The following HSD17B13 variants were observed in gnomAD, a reference collection of about 807,000 sequenced individuals.
HSD17B13 encodes the protein hydroxysteroid 17-beta dehydrogenase 13.
Under a neutral mutation model 31.1 loss-of-function variants are expected in HSD17B13, and 26 were observed. The ratio of observed to expected loss-of-function variants is 0.84; its 90% CI spans 0.61 to 1.16. The LOEUF (loss-of-function observed/expected upper bound fraction) is 1.16, where lower values mean the gene tolerates loss of function less well. Among genes scored for constraint, HSD17B13 ranks in the 50% most tolerant of loss-of-function variants. The pLI is 0.00. For synonymous variants in HSD17B13, 141 were observed against 133.7 expected, an observed-to-expected ratio of 1.05 and a Z score of -0.38; for missense variants, 374 against 366.5, an observed-to-expected ratio of 1.02 and a Z score of -0.17.
rs1734356361 is a variant in HSD17B13 at position 87,305,027 on chromosome 4, A to G, written c.*191T>C. 2.4e-6 allele frequency: 1 copy of G among 409,756 alleles called. No individual in the cohort carries two copies. Among genetic ancestry groups the G allele is most frequent in the South Asian group, 9.3e-5 (1 of 10,744 alleles). 25.4% of individuals were successfully genotyped at this position (409,756 alleles called of 1,614,324 possible). On this transcript the variant is annotated 3_prime_UTR_variant, in exon 7 of 7. Transcript: ENST00000328546. The stretch of plus-strand genomic sequence containing the variant: ...GCATGAAAGGAAAAACAGACCTATG[A>G]AAAACTACGTAAATATTCTTGAGAA...
intron 4 of HSD17B13, among the ~76,000 whole-genome samples, chr4:87,314,760 G>A (rs1175642109): frequency 2.0e-5 from 3 of 152,110 alleles, no homozygotes; most frequent in South Asian, 2.1e-4. Flanking sequence ...ACATAGACAT[G>A]TGTTCATTTT....
intron 1 of HSD17B13, among the ~76,000 whole-genome samples, chr4:87,319,364 C>T (rs777231045): frequency 1.3e-5 from 2 of 152,186 alleles, no homozygotes; most frequent in Non-Finnish European, 2.9e-5. Context: ...GGAGGCTGTA[C>T]AGTAGGCAGT....
Position 87,315,587 on chromosome 4 carries a change from G to A in HSD17B13, c.463C>T (p.Leu155Phe), listed in dbSNP as rs957820422. ...ILGHFWITKA[L>F]LPSMMERNHG... ...TTTCTCTCCATCATCGATGGAAGAA[G>A]TGCTTTTGTGATCTTAAGGATCATT... Residue 155 changes from leucine (L) to phenylalanine (F), a missense_variant, in exon 4 of 7, where the codon CTT (leucine) becomes TTT (phenylalanine). By Grantham distance (22) the Leu-to-Phe change is conservative (BLOSUM62 0). Coordinates refer to ENST00000328546, the MANE Select transcript of HSD17B13 (RefSeq NM_178135.5). 8 of 1,601,074 alleles carry A rather than the reference G, an allele frequency of 5.0e-6. No individual in the cohort carries two copies. Among genetic ancestry groups the A allele is most frequent in the Non-Finnish European group, 6.8e-6 (8 of 1,169,458 alleles).
At chr4:87,305,863 C>G (rs1192786587) in intron 6 of HSD17B13, among the ~76,000 whole-genome samples, 2 of 152,122 alleles carry the variant, frequency 1.3e-5, no homozygotes, top group African/African-American at 2.4e-5. Flanking sequence ...AAAGTGTGTT[C>G]TGATTACAGC....
At chr4:87,314,313 G>C (rs1287288774) in intron 4 of HSD17B13, among the ~76,000 whole-genome samples, 1 of 151,632 alleles carries the variant, frequency 6.6e-6, no homozygotes, top group African/African-American at 2.4e-5. Flanking sequence ...ATATGAATCA[G>C]GAAAAATACA....
chr4:87,316,841 C>A (rs900279282), intron 3 of HSD17B13, among the ~76,000 whole-genome samples: 2 of 152,148 alleles, frequency 1.3e-5, no homozygotes, highest in Non-Finnish European at 2.9e-5. Flanking sequence ...CTGGTACATG[C>A]CAAGCTTTGT....
intron 6 of HSD17B13, among the ~76,000 whole-genome samples, chr4:87,308,178 T>C (rs1734434676): frequency 1.3e-5 from 2 of 152,194 alleles, no homozygotes; most frequent in South Asian, 4.1e-4. Context: ...TTGTATTACA[T>C]TATTTTATTC....
intron 1 of HSD17B13, among the ~76,000 whole-genome samples, chr4:87,320,575 G>A (rs1349172494): frequency 2.6e-5 from 4 of 151,918 alleles, no homozygotes; most frequent in African/African-American, 9.7e-5. Flanking sequence ...TTTTAGTAGA[G>A]ACGGGGTTTC....
At position 87,310,185 on chromosome 4, in the gene HSD17B13, AGC is replaced by A. The variant is rs1491437922; in HGVS notation, c.812+56_812+57del. ...TGAGACTCTGTCTAAAAAAAAAAAA[AGC>A]AAAAAAAAAAGCTCTATTGGTGTTT... On this transcript the variant is annotated intron_variant, in intron 6 of 6. Transcript: ENST00000328546. 11,153 of 1,305,776 alleles carry A rather than the reference AGC, an allele frequency of 8.5e-3. 16 individuals are homozygous for A. Among genetic ancestry groups the A allele is most frequent in the Admixed American group, 9.6e-3 (276 of 28,798 alleles). 80.9% of individuals were successfully genotyped at this position (1,305,776 alleles called of 1,614,324 possible). A position where few individuals can be genotyped will look rare whatever the true frequency, so the allele number is the denominator to read the frequency against.
rs1038302363 is a variant in HSD17B13, at chr4:87,306,831, C to T, written c.813-1523G>A. ...CTGAGGCAGGAGAATTGCTTGAACT[C>T]AGGAGGTGGAGGTTACAGTGAGCTG... is the stretch of plus-strand genomic sequence containing the variant. On this transcript the variant is annotated intron_variant, in intron 6 of 6. Transcript: ENST00000328546. Among the ~76,000 whole-genome samples, 4 of 139,926 alleles carry T rather than the reference C, an allele frequency of 2.9e-5. No homozygotes were observed. In the Admixed American group the frequency reaches 3.1e-4, roughly 11 times the overall value. The allele number at this position is 139,926 out of a possible 152,430, so 91.8% of individuals were successfully genotyped here.
intron 5 of HSD17B13, among the ~76,000 whole-genome samples, 165 bp from the exon 6 acceptor site, chr4:87,310,524 T>A (rs996438150): frequency 3.3e-5 from 5 of 152,196 alleles, no homozygotes; most frequent in African/African-American, 1.2e-4. Flanking sequence ...TTCCTCCACA[T>A]CCCATGTTGA....
chr4:87,312,018 A>G lies in HSD17B13; in HGVS notation c.696-1659T>C, dbSNP rs537442725. Among the ~76,000 whole-genome samples, 56 of 152,196 alleles carry G rather than the reference A, an allele frequency of 3.7e-4. 1 individual carries two copies. The highest frequency in any genetic ancestry group is 2.1e-3 in the South Asian group (10 of 4,822). On this transcript the variant is annotated intron_variant, in intron 5 of 6. Coordinates refer to ENST00000328546, the MANE Select transcript of HSD17B13 (RefSeq NM_178135.5). Reference sequence around the variant, plus strand: ...ATAAAATCAATCCCAAATATTTAGCATTGCCTGTGTCTACCTCTAAGTTAG... The same window carrying G: ...ATAAAATCAATCCCAAATATTTAGCGTTGCCTGTGTCTACCTCTAAGTTAG...
chr4:87,312,593 G>C (rs28373057), intron 5 of HSD17B13, among the ~76,000 whole-genome samples: 24 of 132,936 alleles, frequency 1.8e-4, no homozygotes, highest in Middle Eastern at 4.1e-3. Context: ...GCAGTGGCGC[G>C]ATCTCGGCTC....
rs1734681075 is a variant in HSD17B13 at position 87,317,563 on chromosome 4, C to CTTTATTTTTTTTTTTTTTTTTT, written c.319-341_319-340insAAAAAAAAAAAAAAAAAATAAA. Among the ~76,000 whole-genome samples, 22 of 49,712 alleles carry CTTTATTTTTTTTTTTTTTTTTT rather than the reference C, an allele frequency of 4.4e-4. 1 individual carries two copies. Among genetic ancestry groups the CTTTATTTTTTTTTTTTTTTTTT allele is most frequent in the African/African-American group, 1.9e-3 (22 of 11,868 alleles). The allele number at this position is 49,712 out of a possible 152,430, so 32.6% of individuals were successfully genotyped here. On this transcript the variant is annotated intron_variant, in intron 2 of 6. Transcript: ENST00000328546. ...TTTTAAAAATGTGTTTTTCTTTAAA[C>CTTTATTTTTTTTTTTTTTTTTT]TTTTTTTTTTTTTTTTTTTTTTTTT... is the stretch of plus-strand genomic sequence containing the variant.
At chr4:87,310,471 T>A in intron 5 of HSD17B13, 112 bp from the exon 6 acceptor site, 1 of 1,173,948 alleles carries the variant, frequency 8.5e-7, no homozygotes, top group Non-Finnish European at 1.1e-6. Flanking sequence ...AATGAAGATT[T>A]AAAATATTCC....
At chr4:87,314,653 A>T (rs1262740996) in intron 4 of HSD17B13, among the ~76,000 whole-genome samples, 1 of 151,710 alleles carries the variant, frequency 6.6e-6, no homozygotes, top group Non-Finnish European at 1.5e-5. Flanking sequence ...ACACACACAC[A>T]CACACACACA....
At chr4:87,314,502 C>G (rs1212802648) in intron 4 of HSD17B13, among the ~76,000 whole-genome samples, 1 of 152,046 alleles carries the variant, frequency 6.6e-6, no homozygotes, top group Non-Finnish European at 1.5e-5. Context: ...GAAGAGTTTA[C>G]AGGAAAGGAT....
intron 2 of HSD17B13, among the ~76,000 whole-genome samples, chr4:87,317,942 A>G (rs940464231): frequency 6.6e-6 from 1 of 152,190 alleles, no homozygotes; most frequent in Non-Finnish European, 1.5e-5. Flanking sequence ...CATTTTCTAC[A>G]GAAGACTACA....
Position 87,315,506 on chromosome 4 carries a change from G to A in HSD17B13, c.544C>T (p.Leu182Phe). The A allele has an allele frequency of 6.2e-7, 1 of 1,603,074 alleles. No individual in the cohort carries two copies. The highest frequency in any genetic ancestry group is 8.5e-7 in the Non-Finnish European group (1 of 1,170,714). ...TGTGATACTTACCAATATGGGATGA[G>A]GTAAGGAATCCCTTCGTGGCCGCAC... is the stretch of plus-strand genomic sequence containing the variant. ...SVCGHEGIPY[L>F]IPYCSSKFAA... is the part of the protein sequence containing the mutation. The change falls in exon 4 of 7, where the codon CTC becomes TTC. Residue 182 changes from leucine to phenylalanine, a missense_variant. By Grantham distance (22) the Leu-to-Phe change is conservative. Coordinates refer to ENST00000328546, the MANE Select transcript of HSD17B13 (RefSeq NM_178135.5).
Sources: gnomAD v4.1 joint callset for allele counts (sites outside exome capture counted in the v4.1 genomes callset) on GRCh38, gnomAD v4.1.1 for gene constraint, MANE v1.5 for transcripts, NCBI Gene and HGNC (gene_info 2026-07-23, HGNC 2026-07-21) for gene names.